The following CACNA1E variants were observed in gnomAD, a reference collection of about 807,000 sequenced individuals.
CACNA1E encodes the protein calcium voltage-gated channel subunit alpha1 E, also known as voltage-dependent R-type calcium channel subunit alpha-1E.
CACNA1E carries 40 observed loss-of-function variants against 259.2 expected under a neutral mutation model. The observed-to-expected ratio is 0.15, with a 90% CI of 0.12 to 0.20. The LOEUF (loss-of-function observed/expected upper bound fraction) is 0.20, where lower values mean the gene tolerates loss of function less well. CACNA1E is among the 10% of genes least tolerant of loss of function. The probability of loss-of-function intolerance (pLI) is 1.00; values close to 1 mark genes in which losing one functional copy is unlikely to be tolerated. For synonymous variants in CACNA1E, 1,104 were observed against 1,138.5 expected (o/e 0.97, Z 0.61); for missense variants, 1,874 against 3,040.1 (o/e 0.62, Z 9.02).
intron 6 of CACNA1E, among the ~76,000 whole-genome samples, chr1:181,632,736 C>T (rs1434419980): frequency 2.0e-5 from 3 of 148,546 alleles, no homozygotes; most frequent in Admixed American, 2.0e-4. Context: ...ATTTGTACCC[C>T]CTGGACCCAT....
At chr1:181,623,857 G>A (rs933422066) in intron 6 of CACNA1E, among the ~76,000 whole-genome samples, 4 of 152,250 alleles carry the variant, frequency 2.6e-5, no homozygotes, top group African/African-American at 9.6e-5. Flanking sequence ...AGTAGTGGTT[G>A]CTGAAGGTTG....
chr1:181,504,259 A>G (rs138756997), intron 1 of CACNA1E, among the ~76,000 whole-genome samples: 3 of 152,286 alleles, frequency 2.0e-5, no homozygotes, highest in Non-Finnish European at 4.4e-5. Context: ...GCCTCCCCTC[A>G]GACTGTGGAC....
intron 3 of CACNA1E, among the ~76,000 whole-genome samples, chr1:181,565,299 G>A (rs1953690): frequency 0.3 from 45,938 of 152,136 alleles, 7,060 homozygotes; most frequent in Middle Eastern, 0.39. Context: ...AAACTGCCAC[G>A]CTGCAGGCAG....
chr1:181,581,997 G>A (rs1651590320), intron 6 of CACNA1E, among the ~76,000 whole-genome samples: 1 of 152,186 alleles, frequency 6.6e-6, no homozygotes, highest in African/African-American at 2.4e-5. Flanking sequence ...ACACTGGAGG[G>A]AAAGGAAATG....
intron 3 of CACNA1E, among the ~76,000 whole-genome samples, chr1:181,546,518 G>A (rs1647491372): frequency 6.6e-6 from 1 of 151,966 alleles, no homozygotes; most frequent in Admixed American, 6.6e-5. Flanking sequence ...ATCTCAAATT[G>A]TCCCCTTTCC....
intron 2 of CACNA1E, among the ~76,000 whole-genome samples, chr1:181,437,563 A>AT (rs1660178643): frequency 6.6e-6 from 1 of 152,164 alleles, no homozygotes; most frequent in African/African-American, 2.4e-5. Context: ...TGATGCCCAC[A>AT]TTCCTGAGTC....
chr1:181,325,708 T>C (rs1344613369), intron 1 of CACNA1E, among the ~76,000 whole-genome samples: 1 of 152,124 alleles, frequency 6.6e-6, no homozygotes, highest in Non-Finnish European at 1.5e-5. Flanking sequence ...TTGGTGTGTC[T>C]AGGCCAAGGA....
At chr1:181,426,669 A>C (rs1182787691) in intron 2 of CACNA1E, among the ~76,000 whole-genome samples, 40 of 36,102 alleles carry the variant, frequency 1.1e-3, no homozygotes, top group Admixed American at 1.6e-3. Context: ...CTACCCCTTT[A>C]CAATTCAACC....
chr1:181,450,044 G>C (rs1356956159), intron 2 of CACNA1E, among the ~76,000 whole-genome samples: 2 of 152,152 alleles, frequency 1.3e-5, no homozygotes, highest in African/African-American at 4.8e-5. Flanking sequence ...TGGCTGGGGA[G>C]GTCTCAGGAA....
chr1:181,792,886 G>C (rs1341370043), intron 44 of CACNA1E, among the ~76,000 whole-genome samples: 2 of 152,194 alleles, frequency 1.3e-5, no homozygotes, highest in African/African-American at 4.8e-5. Flanking sequence ...AGTCCAACCT[G>C]ATAACACTGT....
At chr1:181,729,556 C>T (rs535200173) in intron 18 of CACNA1E, among the ~76,000 whole-genome samples, 3 of 152,316 alleles carry the variant, frequency 2.0e-5, no homozygotes, top group South Asian at 2.1e-4. Context: ...AAAACCACTC[C>T]GATCTCAGAA....
intron 2 of CACNA1E, among the ~76,000 whole-genome samples, chr1:181,470,200 T>A (rs975253791): frequency 2.2e-4 from 27 of 122,358 alleles, no homozygotes; most frequent in South Asian, 3.2e-4. Context: ...TCTAAAATAT[T>A]TTTTTTTTTA....
Position 181,719,793 on chromosome 1 carries a change from A to G in CACNA1E, c.1681A>G (p.Arg561Gly). ...CTTTGAAGTGGTCTGGGCAATCTTC[A>G]GACCTGGTACGTCTTTTGGAATCAG... ...SIFEVVWAIF[R>G]PGTSFGISVL... Residue 561 changes from arginine (R) to glycine (G), a missense_variant, in exon 13 of 48, where the codon AGA (arginine) becomes GGA (glycine). Around this residue, in one of 14 missense-constraint regions of CACNA1E, gnomAD observed 102 missense variants for 279.4 expected, o/e 0.37. Coordinates refer to ENST00000367573, the MANE Select transcript of CACNA1E (RefSeq NM_001205293.3). The G allele has an allele frequency of 6.2e-7, 1 of 1,606,030 alleles. No homozygotes were observed. Among genetic ancestry groups the G allele is most frequent in the Non-Finnish European group, 8.5e-7 (1 of 1,176,254 alleles).
chr1:181,529,214 C>G (rs945035229), intron 3 of CACNA1E, among the ~76,000 whole-genome samples: 1 of 152,098 alleles, frequency 6.6e-6, no homozygotes, highest in African/African-American at 2.4e-5. Context: ...GGTGGAAGCC[C>G]CAAGTCTTGG....
At chr1:181,596,597 T>TGTGTGTGTGTAC (rs1553293354) in intron 6 of CACNA1E, among the ~76,000 whole-genome samples, 1 of 144,636 alleles carries the variant, frequency 6.9e-6, no homozygotes, top group Admixed American at 6.9e-5. Context: ...TGTGTGTGTG[T>TGTGTGTGTGTAC]ACACACACAT....
At chr1:181,725,547 G>T (rs1654822369) in intron 17 of CACNA1E, among the ~76,000 whole-genome samples, 1 of 152,196 alleles carries the variant, frequency 6.6e-6, no homozygotes, top group African/African-American at 2.4e-5. Context: ...TCACATAGAG[G>T]GGACACTTGC....
chr1:181,790,611 C>T, intron 44 of CACNA1E, 55 bp downstream of exon 44: 2 of 1,096,152 alleles, frequency 1.8e-6, no homozygotes, highest in Non-Finnish European at 2.8e-6. Flanking sequence ...CCTGATCCCT[C>T]TCACTAATTT....
chr1:181,523,898 A>G (rs908873334), intron 3 of CACNA1E, among the ~76,000 whole-genome samples: 1 of 152,202 alleles, frequency 6.6e-6, no homozygotes, highest in Non-Finnish European at 1.5e-5. Flanking sequence ...GTTAGATACA[A>G]TGCTTCACTC....
At chr1:181,560,020 G>A (rs2102882458) in intron 3 of CACNA1E, among the ~76,000 whole-genome samples, 1 of 152,148 alleles carries the variant, frequency 6.6e-6, no homozygotes, top group African/African-American at 2.4e-5. Context: ...AATGATTATG[G>A]AAGAGCTATT....
Sources: gnomAD v4.1 joint callset for allele counts (sites outside exome capture counted in the v4.1 genomes callset) on GRCh38, gnomAD v4.1.1 for gene constraint, gnomAD v4.1.1 regional missense constraint, MANE v1.5 for transcripts, NCBI Gene and HGNC (gene_info 2026-07-23, HGNC 2026-07-21) for gene names.